Variants in DPP10 observed in about 807,000 individuals in gnomAD.
DPP10 encodes inactive dipeptidyl peptidase 10.
DPP10 carries 33 observed loss-of-function variants against 120.9 expected under a neutral mutation model. The observed-to-expected ratio is 0.27, with a 90% confidence interval of 0.21 to 0.37. DPP10 has a LOEUF of 0.37. DPP10 is among the 10% of genes least tolerant of loss of function. DPP10 has a pLI of 1.00. For synonymous variants in DPP10, 337 were observed against 326.1 expected, an observed-to-expected ratio of 1.03 and a Z score of -0.36; for missense variants, 816 against 942.8, an observed-to-expected ratio of 0.87 and a Z score of 1.76.
chr2:115,064,710 G>A, intron 1 of DPP10: 1 of 1,302,790 alleles, frequency 7.7e-7, no homozygotes, highest in Non-Finnish European at 1.0e-6. Flanking sequence ...GTAAGATTCT[G>A]TGAGGGTGAG....
At chr2:114,708,618 G>T (rs545860136) in intron 1 of DPP10, among the ~76,000 whole-genome samples, 3 of 152,138 alleles carry the variant, frequency 2.0e-5, no homozygotes, top group Non-Finnish European at 4.4e-5. Flanking sequence ...TGTGGCTCAG[G>T]TGTACATCAC....
chr2:114,681,709 G>A (rs915657791), intron 1 of DPP10, among the ~76,000 whole-genome samples: 7 of 151,998 alleles, frequency 4.6e-5, no homozygotes, highest in African/African-American at 1.2e-4. Flanking sequence ...TAGTAGGTCA[G>A]GGGAGCCTTT....
intron 7 of DPP10, among the ~76,000 whole-genome samples, chr2:115,724,310 C>T (rs1245343905): frequency 2.6e-5 from 4 of 152,192 alleles, no homozygotes; most frequent in Admixed American, 2.6e-4. Context: ...AGGTGTCCAG[C>T]ATCTGGTGAA....
intron 1 of DPP10, among the ~76,000 whole-genome samples, chr2:114,965,994 A>G (rs1348200775): frequency 2.0e-5 from 3 of 151,118 alleles, no homozygotes; most frequent in Admixed American, 1.3e-4. Flanking sequence ...AAAAGAAAAA[A>G]AAAGAAAAAG....
intron 1 of DPP10, among the ~76,000 whole-genome samples, chr2:114,506,839 C>A (rs987732901): frequency 2.6e-5 from 4 of 152,136 alleles, no homozygotes; most frequent in Admixed American, 2.6e-4. Flanking sequence ...TCCTATGATA[C>A]AAACAATTGT....
At chr2:115,771,366 G>A (rs531772141) in intron 13 of DPP10, among the ~76,000 whole-genome samples, 3 of 152,060 alleles carry the variant, frequency 2.0e-5, no homozygotes, top group South Asian at 2.1e-4. Context: ...AAGCCACCAC[G>A]CCCGGCCTGT....
intron 1 of DPP10, among the ~76,000 whole-genome samples, chr2:115,032,896 AAAGAAG>A (rs1008331742): frequency 6.6e-5 from 10 of 151,546 alleles, no homozygotes; most frequent in East Asian, 5.8e-4. Context: ...AAAAAAAAAA[AAAGAAG>A]AAGAAGAAGA....
At chr2:115,579,842 A>C (rs2081913158) in intron 5 of DPP10, 1 of 152,134 alleles carries the variant, frequency 6.6e-6, no homozygotes. Context: ...GCTTCAGTGT[A>C]TGTATGTACA....
At chr2:115,251,823 A>G (rs866756002) in intron 1 of DPP10, among the ~76,000 whole-genome samples, 4 of 152,342 alleles carry the variant, frequency 2.6e-5, no homozygotes, top group South Asian at 2.1e-4. Context: ...AGAAAAGTGT[A>G]TATTTATAAA....
At chr2:114,891,864 T>C (rs1201395729) in intron 1 of DPP10, among the ~76,000 whole-genome samples, 1 of 152,232 alleles carries the variant, frequency 6.6e-6, no homozygotes, top group East Asian at 1.9e-4. Flanking sequence ...GATGTTCTAA[T>C]AGCACACGAT....
intron 5 of DPP10, among the ~76,000 whole-genome samples, chr2:115,558,539 C>A (rs1360950057): frequency 6.6e-6 from 1 of 152,082 alleles, no homozygotes; most frequent in East Asian, 1.9e-4. Flanking sequence ...TTTTAACAAG[C>A]AATCAGGGGC....
intron 1 of DPP10, among the ~76,000 whole-genome samples, chr2:114,979,188 T>C (rs1226519964): frequency 6.6e-6 from 1 of 152,090 alleles, no homozygotes; most frequent in East Asian, 1.9e-4. Context: ...ATGGTAAATA[T>C]TGTTATCTGA....
At chr2:115,818,531 G>A (rs946024275) in intron 21 of DPP10, among the ~76,000 whole-genome samples, 4 of 152,116 alleles carry the variant, frequency 2.6e-5, no homozygotes, top group Non-Finnish European at 5.9e-5. Flanking sequence ...CATGGAAAAG[G>A]GCAACATGAG....
intron 1 of DPP10, among the ~76,000 whole-genome samples, chr2:114,617,647 T>C (rs569294796): frequency 1.6e-4 from 25 of 152,218 alleles, no homozygotes; most frequent in African/African-American, 6.0e-4. Flanking sequence ...TTAAAGGCTG[T>C]ATCCAGAAGG....
chr2:115,769,458 A>G (rs1478715241), intron 13 of DPP10, among the ~76,000 whole-genome samples: 1 of 152,084 alleles, frequency 6.6e-6, no homozygotes, highest in Non-Finnish European at 1.5e-5. Flanking sequence ...AAACTTGTTC[A>G]GGGTCTGTGT....
intron 1 of DPP10, among the ~76,000 whole-genome samples, chr2:115,080,026 C>CG (rs1708139795): frequency 6.6e-6 from 1 of 151,272 alleles, no homozygotes; most frequent in African/African-American, 2.4e-5. Context: ...CCTTGTATAT[C>CG]TTTTTTTTTA....
chr2:115,012,245 G>A (rs917807022), intron 1 of DPP10, among the ~76,000 whole-genome samples: 1 of 152,184 alleles, frequency 6.6e-6, no homozygotes, highest in Non-Finnish European at 1.5e-5. Context: ...CTTGGGAGCT[G>A]TATGGCCCTG....
At chr2:114,637,183 C>A (rs1363600370) in intron 1 of DPP10, among the ~76,000 whole-genome samples, 5 of 151,782 alleles carry the variant, frequency 3.3e-5, no homozygotes, top group Non-Finnish European at 7.4e-5. Context: ...AAATATTTAG[C>A]CTTGGAATAA....
chr2:115,508,650 A>G lies in DPP10; in HGVS notation c.366+9046A>G, dbSNP rs575981478. 3.3e-5 allele frequency among the ~76,000 whole-genome samples: 5 copies of G among 152,310 alleles called. No individual in the cohort carries two copies. In the East Asian group the frequency reaches 9.7e-4, roughly 29 times the overall value. ...CCGGGCTCAATGGCTCACGCCTGTA[A>G]TCCCAGCACTTTGGGAGCCTGAGGC... On this transcript the variant is annotated intron_variant, in intron 4 of 25. Coordinates refer to ENST00000410059, the MANE Select transcript of DPP10 (RefSeq NM_020868.6).
Sources: gnomAD v4.1 joint callset for allele counts (sites outside exome capture counted in the v4.1 genomes callset) on GRCh38, gnomAD v4.1.1 for gene constraint, MANE v1.5 for transcripts, NCBI Gene and HGNC (gene_info 2026-07-23, HGNC 2026-07-21) for gene names.